Variants in ITPK1 observed in about 807,000 individuals in gnomAD.
ITPK1 encodes the protein inositol-tetrakisphosphate 1-kinase.
A neutral mutation model predicts 45.3 loss-of-function variants in ITPK1; 21 were observed. The observed-to-expected ratio is 0.46, with a 90% CI of 0.33 to 0.67. The LOEUF is 0.67. Among genes scored for constraint, ITPK1 ranks in the 30% least tolerant of loss-of-function variants. ITPK1 has a pLI of 0.02. For synonymous variants in ITPK1, 258 were observed against 253.6 expected (o/e 1.02, Z -0.16); for missense variants, 474 against 573.5 (o/e 0.83, Z 1.77).
chr14:92,948,947 C>T (rs988776545), intron 9 of ITPK1, among the ~76,000 whole-genome samples: 7 of 101,780 alleles, frequency 6.9e-5, no homozygotes, highest in Admixed American at 1.7e-4. Context: ...CCTACACCAG[C>T]GCATCTCCCA....
Position 93,032,713 on chromosome 14 carries a change from C to T in ITPK1, c.121-15912G>A, listed in dbSNP as rs537407588. 6.6e-6 allele frequency among the ~76,000 whole-genome samples: 1 copy of T among 152,180 alleles called. No individual in the cohort carries two copies. Among genetic ancestry groups the T allele is most frequent in the Admixed American group, 6.5e-5 (1 of 15,278 alleles). ...CAGCTTGATGCCCTTGAATATCTTC[C>T]GATTAGCCTCATCTAGAAGGCACAT... is the stretch of plus-strand genomic sequence containing the variant. On this transcript the variant is annotated intron_variant, in intron 3 of 10. Coordinates refer to ENST00000267615, the MANE Select transcript of ITPK1 (RefSeq NM_014216.6). This position sits in a 1 kb window ranked among gnomAD's most constrained non-coding sequence, Gnocchi z 4.0.
At chr14:93,015,932 C>T (rs1888153718) in intron 4 of ITPK1, among the ~76,000 whole-genome samples, 1 of 152,254 alleles carries the variant, frequency 6.6e-6, no homozygotes, top group Non-Finnish European at 1.5e-5. Context: ...CCATCTCAGG[C>T]ATCCCCATCC....
At chr14:93,066,157 A>T (rs1050662122) in intron 3 of ITPK1, 5 of 434,826 alleles carry the variant, frequency 1.1e-5, no homozygotes, top group Admixed American at 1.0e-4. Context: ...CCTGTGTAGC[A>T]CAATACCTCA....
chr14:93,095,592 T>A lies in ITPK1; in HGVS notation c.96-18973A>T, dbSNP rs970533590. Among the ~76,000 whole-genome samples the A allele has an allele frequency of 2.4e-4, 36 of 147,254 alleles. 1 individual carries two copies. The highest frequency in any genetic ancestry group is 2.0e-3 in the Admixed American group (29 of 14,716). On this transcript the variant is annotated intron_variant, in intron 2 of 10. Transcript: ENST00000267615. ...GGACTAGGTTTTTTTTTTTTTTTTT[T>A]AATAAATTCAACTTTTATCTTAGAT...
rs1284704980 is a variant in ITPK1 at position 93,032,104 on chromosome 14, C to T, written c.121-15303G>A. Among the ~76,000 whole-genome samples the T allele has an allele frequency of 6.6e-6, 1 of 152,162 alleles. No individual in the cohort carries two copies. Among genetic ancestry groups the T allele is most frequent in the African/African-American group, 2.4e-5 (1 of 41,442 alleles). On this transcript the variant is annotated intron_variant, in intron 3 of 10. Transcript: ENST00000267615. The surrounding 1 kb of genome is among the most constrained non-coding windows in gnomAD (Gnocchi z 4.0). ...GTGGCTCACGCCTGTCATCCCAGCA[C>T]TTTAGGAGGCTGGGGCGGGCGGATC...
At chr14:92,981,604 A>G (rs896828634) in intron 5 of ITPK1, among the ~76,000 whole-genome samples, 1 of 152,012 alleles carries the variant, frequency 6.6e-6, no homozygotes, top group Admixed American at 6.6e-5. Context: ...TCTCCTTCTT[A>G]TGTATCTGAT....
At chr14:92,984,994 T>C (rs1419693105) in intron 5 of ITPK1, among the ~76,000 whole-genome samples, 1 of 152,158 alleles carries the variant, frequency 6.6e-6, no homozygotes, top group African/African-American at 2.4e-5. Context: ...TTTAACCAAA[T>C]AACTGCTGCT....
chr14:92,943,408 G>C (rs577416040), intron 10 of ITPK1, among the ~76,000 whole-genome samples: 41 of 152,348 alleles, frequency 2.7e-4, no homozygotes, highest in African/African-American at 9.1e-4. Context: ...GACGCCCTTG[G>C]TCTTGTGTGT....
rs1802523633 is a variant in ITPK1, at chr14:93,014,023, C to T, written c.246+2653G>A. Among the ~76,000 whole-genome samples, 1 of 152,194 alleles carries T rather than the reference C, an allele frequency of 6.6e-6. No homozygotes were observed. Among genetic ancestry groups the T allele is most frequent in the Admixed American group, 6.5e-5 (1 of 15,280 alleles). The stretch of plus-strand genomic sequence containing the variant: ...TCCTGGGGCCTCTGGAAAGTGCAGC[C>T]CCGCACCCTTTTCTCCAAAGGATTG... On this transcript the variant is annotated intron_variant, in intron 4 of 10. Transcript: ENST00000267615. This position sits in a 1 kb window ranked among gnomAD's most constrained non-coding sequence, Gnocchi z 4.4.
chr14:93,106,509 G>A (rs1413019530), intron 2 of ITPK1, among the ~76,000 whole-genome samples: 2 of 152,154 alleles, frequency 1.3e-5, no homozygotes, highest in Non-Finnish European at 2.9e-5. Context: ...AGTGGACACC[G>A]TCCACCCTGT....
intron 2 of ITPK1, among the ~76,000 whole-genome samples, chr14:93,091,612 T>C (rs946515830): frequency 2.6e-5 from 4 of 152,094 alleles, no homozygotes; most frequent in Admixed American, 6.6e-5. Context: ...GCCTGGAAAA[T>C]AGCACGGTGG....
intron 5 of ITPK1, among the ~76,000 whole-genome samples, chr14:92,971,028 T>C (rs1308524867): frequency 6.6e-6 from 1 of 152,064 alleles, no homozygotes; most frequent in Non-Finnish European, 1.5e-5. Flanking sequence ...CGCCCTTTCT[T>C]TCCCCTCCCA....
Position 92,958,529 on chromosome 14 carries a change from G to A in ITPK1, c.505-163C>T, listed in dbSNP as rs750695539. The stretch of plus-strand genomic sequence containing the variant: ...GCCTTGAGCCAGGGTGAGTGGAGTG[G>A]GACTTGTGAAGAACACCTGGGGATG... On this transcript the variant is annotated intron_variant, in intron 7 of 10. Coordinates refer to ENST00000267615, the MANE Select transcript of ITPK1 (RefSeq NM_014216.6). This position sits in a 1 kb window ranked among gnomAD's most constrained non-coding sequence, Gnocchi z 4.4. Among the ~76,000 whole-genome samples, 9 of 152,162 alleles carry A rather than the reference G, an allele frequency of 5.9e-5. No homozygotes were observed. Among genetic ancestry groups the A allele is most frequent in the Non-Finnish European group, 8.8e-5 (6 of 68,036 alleles).
chr14:93,050,596 TGCACCCCA>T (rs1358291034), intron 3 of ITPK1, among the ~76,000 whole-genome samples: 1 of 152,122 alleles, frequency 6.6e-6, no homozygotes, highest in African/African-American at 2.4e-5. Flanking sequence ...CCTTGGCTCC[TGCACCCCA>T]CCTCAGTTCG....
chr14:92,990,088 A>G (rs1886704674), intron 5 of ITPK1, among the ~76,000 whole-genome samples: 2 of 152,208 alleles, frequency 1.3e-5, no homozygotes, highest in Admixed American at 1.3e-4. Context: ...TTCCATGGTG[A>G]TAAAACCCGA....
At chr14:92,953,883 G>A (rs970064528) in intron 8 of ITPK1, among the ~76,000 whole-genome samples, 2 of 152,132 alleles carry the variant, frequency 1.3e-5, no homozygotes, top group African/African-American at 2.4e-5. Context: ...TCTCCTCCTG[G>A]CTAATTCTGT....
At chr14:93,059,942 C>G (rs1382446274) in intron 3 of ITPK1, among the ~76,000 whole-genome samples, 1 of 151,792 alleles carries the variant, frequency 6.6e-6, no homozygotes, top group Non-Finnish European at 1.5e-5. Flanking sequence ...CTGCTCACCC[C>G]CATCCACACT....
intron 2 of ITPK1, among the ~76,000 whole-genome samples, chr14:93,101,292 C>A (rs1892309583): frequency 6.6e-6 from 1 of 152,190 alleles, no homozygotes; most frequent in Non-Finnish European, 1.5e-5. Context: ...TCTTCTGGCT[C>A]AAAGGTTTTC....
intron 5 of ITPK1, among the ~76,000 whole-genome samples, chr14:92,973,930 A>T (rs934415375): frequency 1.3e-5 from 2 of 152,208 alleles, no homozygotes; most frequent in Non-Finnish European, 2.9e-5. Context: ...GGAGGGCTCC[A>T]GGCATTCCAT....
Sources: gnomAD v4.1 joint callset for allele counts (sites outside exome capture counted in the v4.1 genomes callset) on GRCh38, gnomAD v4.1.1 for gene constraint, Gnocchi (gnomAD v3.1) non-coding constraint, MANE v1.5 for transcripts, NCBI Gene and HGNC (gene_info 2026-07-23, HGNC 2026-07-21) for gene names.